The following LMX1A variants were observed in gnomAD, a reference collection of about 807,000 sequenced individuals.
LMX1A encodes the protein LIM homeobox transcription factor 1-alpha.
A neutral mutation model predicts 49.1 loss-of-function variants in LMX1A; 15 were observed. That is an observed-to-expected ratio of 0.31 (90% CI 0.20 to 0.47). LMX1A has a LOEUF of 0.47. LMX1A is among the 20% of genes least tolerant of loss of function. LMX1A has a pLI of 1.00. For missense variants in LMX1A, 372 were observed against 475.8 expected, an observed-to-expected ratio of 0.78 and a Z score of 2.03; for synonymous variants, 167 against 185.7, an observed-to-expected ratio of 0.90 and a Z score of 0.82.
At chr1:165,289,567 C>T (rs1211986906) in intron 3 of LMX1A, among the ~76,000 whole-genome samples, 1 of 152,258 alleles carries the variant, frequency 6.6e-6, no homozygotes, top group Non-Finnish European at 1.5e-5. Flanking sequence ...TGTCCAAAAT[C>T]TCAGGGCTGA....
chr1:165,353,737 T>C (rs1656505298), intron 2 of LMX1A, among the ~76,000 whole-genome samples: 1 of 152,166 alleles, frequency 6.6e-6, no homozygotes, highest in South Asian at 2.1e-4. Flanking sequence ...GGGAACAAAA[T>C]TTTCTCTTTT....
chr1:165,237,669 T>G (rs1369313614), intron 4 of LMX1A, among the ~76,000 whole-genome samples: 1 of 152,184 alleles, frequency 6.6e-6, no homozygotes, highest in Non-Finnish European at 1.5e-5. Context: ...GGTTCTAAAA[T>G]TACCCAGTTT....
At chr1:165,281,563 C>G (rs780071935) in intron 3 of LMX1A, among the ~76,000 whole-genome samples, 7 of 152,316 alleles carry the variant, frequency 4.6e-5, no homozygotes, top group Non-Finnish European at 1.0e-4. Flanking sequence ...GATAAGGGAA[C>G]TTGCATTGGA....
chr1:165,259,542 C>T (rs942141456), intron 3 of LMX1A, among the ~76,000 whole-genome samples: 1 of 152,194 alleles, frequency 6.6e-6, no homozygotes, highest in Non-Finnish European at 1.5e-5. Flanking sequence ...TGTGTGGACA[C>T]GTATTGAGAC....
chr1:165,255,405 G>A (rs1363643482), intron 3 of LMX1A, among the ~76,000 whole-genome samples: 2 of 152,202 alleles, frequency 1.3e-5, no homozygotes, highest in Non-Finnish European at 2.9e-5. Context: ...GCTATAAGAT[G>A]CATAACTTTC....
chr1:165,315,387 TA>T (rs1655188585), intron 3 of LMX1A, among the ~76,000 whole-genome samples: 2 of 152,216 alleles, frequency 1.3e-5, no homozygotes, highest in South Asian at 4.1e-4. Flanking sequence ...AACCTTGGTT[TA>T]AAGCCCCCCA....
At chr1:165,208,222 G>A (rs183952031) in intron 6 of LMX1A, 90 bp from the exon 7 acceptor site, 200 of 1,175,878 alleles carry the variant, frequency 1.7e-4, no homozygotes, top group Non-Finnish European at 2.3e-4. Flanking sequence ...CACCTTCCCC[G>A]GGAGAGGGCT....
At chr1:165,327,943 TAG>T (rs1247226258) in intron 3 of LMX1A, among the ~76,000 whole-genome samples, 1 of 152,184 alleles carries the variant, frequency 6.6e-6, no homozygotes, top group Non-Finnish European at 1.5e-5. Context: ...CACCTCGACT[TAG>T]AGAGTCCAGG....
At chr1:165,219,989 A>G (rs944555180) in intron 4 of LMX1A, among the ~76,000 whole-genome samples, 2 of 152,216 alleles carry the variant, frequency 1.3e-5, no homozygotes, top group Non-Finnish European at 2.9e-5. Context: ...AATGGTGACC[A>G]GGAGTTGCCA....
intron 5 of LMX1A, 134 bp downstream of exon 5, chr1:165,213,507 C>T (rs1571150432): frequency 2.5e-6 from 2 of 791,916 alleles, no homozygotes; most frequent in African/African-American, 3.5e-5. Flanking sequence ...CAGGCTTGAG[C>T]CGCCTGTGCA....
intron 3 of LMX1A, among the ~76,000 whole-genome samples, chr1:165,288,860 AT>A (rs1276112563): frequency 6.6e-6 from 1 of 152,214 alleles, no homozygotes; most frequent in Non-Finnish European, 1.5e-5. Context: ...GTGCAGTTGC[AT>A]TTGAAGCAAA....
Position 165,203,835 on chromosome 1 carries a change from G to T in LMX1A, c.*45C>A. 6.3e-7 allele frequency: 1 copy of T among 1,598,290 alleles called. No individual in the cohort carries two copies. Among genetic ancestry groups the T allele is most frequent in the Non-Finnish European group, 8.6e-7 (1 of 1,166,488 alleles). On this transcript the variant is annotated 3_prime_UTR_variant, in exon 9 of 9. Coordinates refer to ENST00000342310, the MANE Select transcript of LMX1A (RefSeq NM_177398.4). ...AAGCCAGTGACCCCTCAAAGAATAT[G>T]GTTGTTCCATATGGGAGCCTAGTCA...
chr1:165,220,709 A>G (rs535219308), intron 4 of LMX1A, among the ~76,000 whole-genome samples: 2 of 152,222 alleles, frequency 1.3e-5, no homozygotes, highest in South Asian at 4.1e-4. Context: ...TCATCTGTAC[A>G]TGCCTTGGGC....
intron 5 of LMX1A, among the ~76,000 whole-genome samples, chr1:165,211,878 C>A (rs908753301): frequency 6.6e-6 from 1 of 152,150 alleles, no homozygotes; most frequent in Non-Finnish European, 1.5e-5. Flanking sequence ...TCCTCAGAGC[C>A]CCCTCTCTGG....
chr1:165,304,992 A>C (rs1231608225), intron 3 of LMX1A, among the ~76,000 whole-genome samples: 2 of 151,662 alleles, frequency 1.3e-5, no homozygotes, highest in African/African-American at 2.4e-5. Flanking sequence ...TTGTTTCATC[A>C]CTCTACACTT....
chr1:165,276,014 T>A (rs552426527), intron 3 of LMX1A, among the ~76,000 whole-genome samples: 2 of 151,802 alleles, frequency 1.3e-5, no homozygotes, highest in Admixed American at 1.3e-4. Context: ...GAAGCTGGAG[T>A]GTGAGTGATG....
chr1:165,221,169 G>C (rs1651828242), intron 4 of LMX1A, among the ~76,000 whole-genome samples: 1 of 151,990 alleles, frequency 6.6e-6, no homozygotes, highest in Admixed American at 6.5e-5. Flanking sequence ...TTGCCTCACG[G>C]GTTGTTGTAA....
chr1:165,267,585 A>T (rs1421339666), intron 3 of LMX1A, among the ~76,000 whole-genome samples: 1 of 152,200 alleles, frequency 6.6e-6, no homozygotes, highest in Non-Finnish European at 1.5e-5. Flanking sequence ...GTGTTGAGAG[A>T]TACTTGTGGG....
intron 2 of LMX1A, among the ~76,000 whole-genome samples, chr1:165,354,864 G>C (rs1656553050): frequency 6.6e-6 from 1 of 152,098 alleles, no homozygotes; most frequent in Non-Finnish European, 1.5e-5. Context: ...ACACTCTTCC[G>C]GGGTCCTTGA....
Sources: allele counts gnomAD v4.1 joint callset (sites outside exome capture counted in the v4.1 genomes callset), GRCh38; gene constraint gnomAD v4.1.1; transcripts MANE v1.5; gene names NCBI Gene and HGNC (gene_info 2026-07-23, HGNC 2026-07-21).